SND1: variants seen among roughly 807,000 people sequenced by gnomAD.
The protein encoded by SND1 is staphylococcal nuclease domain-containing protein 1.
Under a neutral mutation model 121.7 loss-of-function variants are expected in SND1, and 38 were observed. The ratio of observed to expected loss-of-function variants is 0.31; its 90% CI spans 0.24 to 0.41. SND1 has a LOEUF of 0.41. SND1 is among the 10% of genes least tolerant of loss of function. SND1 has a pLI of 1.00. For synonymous variants in SND1, 401 were observed against 447.4 expected (o/e 0.90, Z 1.31); for missense variants, 868 against 1,184.6 (o/e 0.73, Z 3.92).
chr7:127,762,316 G>GT (rs1288831539), intron 10 of SND1, among the ~76,000 whole-genome samples: 1 of 152,164 alleles, frequency 6.6e-6, no homozygotes, highest in Non-Finnish European at 1.5e-5. Context: ...AAATCAAAGT[G>GT]CCTCTTGTTG....
In SND1 at chr7:127,655,084, T is replaced by A. The variant is rs116077431; in HGVS notation, c.78+2633T>A. Reference sequence around the variant, plus strand: ...TGCCTTTTGGGAGAGAGGTAGAAATTGGAACACTGACCTACGCTTTTCATT... The same window carrying A: ...TGCCTTTTGGGAGAGAGGTAGAAATAGGAACACTGACCTACGCTTTTCATT... On this transcript the variant is annotated intron_variant, in intron 1 of 23. Coordinates refer to ENST00000354725, the MANE Select transcript of SND1 (RefSeq NM_014390.4). Among the ~76,000 whole-genome samples the A allele has an allele frequency of 4.0e-3, 616 of 152,328 alleles. 2 individuals are homozygous for A. Among genetic ancestry groups the A allele is most frequent in the African/African-American group, 0.013 (552 of 41,574 alleles).
At chr7:128,059,781 G>T (rs1386988987) in intron 16 of SND1, among the ~76,000 whole-genome samples, 1 of 152,164 alleles carries the variant, frequency 6.6e-6, no homozygotes, top group African/African-American at 2.4e-5. Context: ...CAGGAATGTA[G>T]CCACACAGAA....
rs540895824 is a variant in SND1 at position 127,953,464 on chromosome 7, C to T, written c.1669+24135C>T. On this transcript the variant is annotated intron_variant, in intron 15 of 23. Coordinates refer to ENST00000354725, the MANE Select transcript of SND1 (RefSeq NM_014390.4). ...TCCTGCCTTTAAGTTTTTTCTCCCC[C>T]ACTCCTTCCCTCTAATAGGAAAGGA... Among the ~76,000 whole-genome samples, 346 of 152,168 alleles carry T rather than the reference C, an allele frequency of 2.3e-3. 1 individual carries two copies. The highest frequency in any genetic ancestry group is 6.8e-3 in the Middle Eastern group (2 of 294).
At chr7:127,658,999 T>G (rs904998085) in intron 1 of SND1, among the ~76,000 whole-genome samples, 2 of 152,230 alleles carry the variant, frequency 1.3e-5, no homozygotes, top group Non-Finnish European at 2.9e-5. Flanking sequence ...ATCTTTGGAT[T>G]TATTTCATTT....
Position 127,682,069 on chromosome 7 carries a change from G to A in SND1, c.79-4544G>A, listed in dbSNP as rs147911951. ...TGTACCATCCTTTTCTTTGCCCTTA[G>A]TATGGCTGGGTTTTTGTATAAGAAG... On this transcript the variant is annotated intron_variant, in intron 1 of 23. Coordinates refer to ENST00000354725, the MANE Select transcript of SND1 (RefSeq NM_014390.4). Among the ~76,000 whole-genome samples, 15 of 152,176 alleles carry A rather than the reference G, an allele frequency of 9.9e-5. No individual in the cohort carries two copies. The East Asian group carries it at 2.9e-3, about 29-fold the overall frequency.
At position 127,922,330 on chromosome 7, in the gene SND1, T is replaced by C. The variant is rs552700227; in HGVS notation, c.1528-6858T>C. ...ACCGTGCCTGGCTCAGACCATTTTC[T>C]GAGGGTCCCTAATCTATTCCTCTAA... is the stretch of plus-strand genomic sequence containing the variant. On this transcript the variant is annotated intron_variant, in intron 14 of 23. Coordinates refer to ENST00000354725, the MANE Select transcript of SND1 (RefSeq NM_014390.4). Among the ~76,000 whole-genome samples, 4 of 152,150 alleles carry C rather than the reference T, an allele frequency of 2.6e-5. No individual in the cohort carries two copies. The South Asian group carries it at 8.3e-4, about 32-fold the overall frequency.
At chr7:127,652,702 G>T (rs1795143381) in intron 1 of SND1, among the ~76,000 whole-genome samples, 1 of 152,200 alleles carries the variant, frequency 6.6e-6, no homozygotes. Flanking sequence ...CGGATCTCCT[G>T]TCTGTTTACC....
chr7:127,889,553 C>A lies in SND1; in HGVS notation c.1454+1541C>A, dbSNP rs566929764. 6.6e-5 allele frequency among the ~76,000 whole-genome samples: 10 copies of A among 151,936 alleles called. No homozygotes were observed. The East Asian group carries it at 1.7e-3, about 27-fold the overall frequency. ...ACTCTTTTAGTTATTTTGAAATGTA[C>A]AATTAAATTATTATTGACTATAGTG... On this transcript the variant is annotated intron_variant, in intron 13 of 23. Coordinates refer to ENST00000354725, the MANE Select transcript of SND1 (RefSeq NM_014390.4).
At chr7:127,798,596 A>G (rs1022674528) in intron 10 of SND1, among the ~76,000 whole-genome samples, 2 of 151,624 alleles carry the variant, frequency 1.3e-5, no homozygotes, top group Non-Finnish European at 2.9e-5. Flanking sequence ...TAATTGAACT[A>G]TTTTGGCATT....
At chr7:128,048,763 GGTATATGT>G (rs1183761222) in intron 16 of SND1, among the ~76,000 whole-genome samples, 2 of 151,908 alleles carry the variant, frequency 1.3e-5, no homozygotes, top group Non-Finnish European at 2.9e-5. Context: ...AGTGATGCAG[GGTATATGT>G]GTATCATCCC....
chr7:128,034,976 A>G (rs866471782), intron 16 of SND1, among the ~76,000 whole-genome samples: 1 of 152,236 alleles, frequency 6.6e-6, no homozygotes, highest in South Asian at 2.1e-4. Flanking sequence ...AAAGAAGGCT[A>G]CTTACACCCT....
At chr7:127,681,226 G>A (rs1795720905) in intron 1 of SND1, among the ~76,000 whole-genome samples, 3 of 152,268 alleles carry the variant, frequency 2.0e-5, no homozygotes, top group Admixed American at 2.0e-4. Flanking sequence ...TTGTAGCTTT[G>A]ATTTGCATTT....
chr7:127,788,988 A>G (rs919662612), intron 10 of SND1, among the ~76,000 whole-genome samples: 2 of 152,138 alleles, frequency 1.3e-5, no homozygotes, highest in Non-Finnish European at 2.9e-5. Flanking sequence ...GTTTTGGTCT[A>G]TATGTTAAGC....
rs554332522 is a variant in SND1, at chr7:128,089,483, C to T, written c.2419-6C>T. 1.6e-5 allele frequency: 26 copies of T among 1,607,588 alleles called. No homozygotes were observed. The Middle Eastern group carries it at 5.0e-4, about 31-fold the overall frequency. Reference sequence around the variant, plus strand: ...TTGCTCTGACCTGAGTGTGTCTCTGCTCCAGGATGATGCCCGCACGGACGC... The same window carrying T: ...TTGCTCTGACCTGAGTGTGTCTCTGTTCCAGGATGATGCCCGCACGGACGC... On this transcript the variant is annotated splice_region_variant and splice_polypyrimidine_tract_variant and intron_variant, in intron 21 of 23. Coordinates refer to ENST00000354725, the MANE Select transcript of SND1 (RefSeq NM_014390.4).
chr7:128,028,801 GTGC>G, intron 16 of SND1: 1 of 1,614,198 alleles, frequency 6.2e-7, no homozygotes, highest in Non-Finnish European at 8.5e-7. Context: ...TGGGCCCCAT[GTGC>G]TGGTTTGTAG....
chr7:128,082,038 G>C, intron 18 of SND1: 1 of 517,094 alleles, frequency 1.9e-6, no homozygotes, highest in South Asian at 1.4e-5. Context: ...AGACATCCCC[G>C]GGCAGTCTCT....
Position 127,887,888 on chromosome 7 carries a change from C to G in SND1, c.1344-14C>G. On this transcript the variant is annotated splice_polypyrimidine_tract_variant and intron_variant, in intron 12 of 23. Transcript: ENST00000354725. ...GCACTTCTAGTGCTCACTGACCTAT[C>G]TTTTCTGTTGCAGAAACATTGCTGA... The G allele has an allele frequency of 6.3e-7, 1 of 1,593,548 alleles. No homozygotes were observed. The highest frequency in any genetic ancestry group is 2.2e-5 in the East Asian group (1 of 44,514).
At chr7:127,878,943 G>GA (rs1799739331) in intron 12 of SND1, among the ~76,000 whole-genome samples, 1 of 151,970 alleles carries the variant, frequency 6.6e-6, no homozygotes, top group Non-Finnish European at 1.5e-5. Flanking sequence ...TATATATGAA[G>GA]AACAAAAATG....
chr7:127,960,512 T>C (rs1187544400), intron 15 of SND1, among the ~76,000 whole-genome samples: 1 of 152,118 alleles, frequency 6.6e-6, no homozygotes, highest in Non-Finnish European at 1.5e-5. Context: ...TAGAAAAGGG[T>C]GGAGTGCAGA....
Sources: gnomAD v4.1 joint callset for allele counts (sites outside exome capture counted in the v4.1 genomes callset) on GRCh38, gnomAD v4.1.1 for gene constraint, MANE v1.5 for transcripts, NCBI Gene and HGNC (gene_info 2026-07-23, HGNC 2026-07-21) for gene names.